Variants in CDH26 observed in about 807,000 individuals in gnomAD.
The protein encoded by CDH26 is cadherin 26.
Under a neutral mutation model 90.3 loss-of-function variants are expected in CDH26, and 83 were observed. That is an observed-to-expected ratio of 0.92 (90% CI 0.77 to 1.10). CDH26 has a LOEUF of 1.10. Among genes scored for constraint, CDH26 ranks in the 50% least tolerant of loss-of-function variants. The pLI, the probability that CDH26 is intolerant of heterozygous loss-of-function variation, is 0.00. For synonymous variants in CDH26, 397 were observed against 396.3 expected, an observed-to-expected ratio of 1.00 and a Z score of -0.02; for missense variants, 1,013 against 1,037.6, an observed-to-expected ratio of 0.98 and a Z score of 0.33.
downstream of CDH26, among the ~76,000 whole-genome samples, chr20:60,019,479 T>C (rs2061934958): frequency 6.6e-6 from 1 of 152,194 alleles, no homozygotes; most frequent in Admixed American, 6.5e-5. Context: ...TTGTCCATTG[T>C]TGAAACTCTC....
At chr20:59,967,085 A>G (rs1008003272) in intron 1 of CDH26, among the ~76,000 whole-genome samples, 9 of 152,240 alleles carry the variant, frequency 5.9e-5, no homozygotes, top group African/African-American at 1.9e-4. Flanking sequence ...TTATGAATAT[A>G]TAGCCATATC....
downstream of CDH26, among the ~76,000 whole-genome samples, chr20:60,035,045 A>G (rs1356281785): frequency 3.3e-5 from 5 of 152,222 alleles, no homozygotes; most frequent in African/African-American, 4.8e-5. Context: ...TTTAATACCA[A>G]TGTGTAAACT....
chr20:60,018,921 T>C (rs1210971186), downstream of CDH26, among the ~76,000 whole-genome samples: 2 of 151,996 alleles, frequency 1.3e-5, no homozygotes, highest in African/African-American at 2.4e-5. Flanking sequence ...TGAATTCTCT[T>C]AACTTTTGCT....
At chr20:60,001,232 G>T (rs1193917511) in intron 14 of CDH26, 111 bp from the exon 15 acceptor site, 9 of 1,265,946 alleles carry the variant, frequency 7.1e-6, no homozygotes, top group Non-Finnish European at 7.8e-6. Flanking sequence ...ATTTGTGTTT[G>T]CCTATGAATA....
At chr20:60,006,600 C>A in intron 16 of CDH26, 113 bp from the exon 17 acceptor site, 1 of 741,296 alleles carries the variant, frequency 1.3e-6, no homozygotes, top group Non-Finnish European at 2.4e-6. Flanking sequence ...TCTTCACCTC[C>A]AAGAGAACGG....
intron 10 of CDH26, 89 bp from the exon 11 acceptor site, chr20:59,994,161 A>ATTTTTTT: frequency 6.6e-7 from 1 of 1,513,484 alleles, no homozygotes; most frequent in Non-Finnish European, 9.0e-7. Flanking sequence ...TTTCAGGAAT[A>ATTTTTTT]TTTTTTTTCT....
At chr20:59,967,934 CCTTTCTTT>C (rs71183191) in intron 1 of CDH26, among the ~76,000 whole-genome samples, 3 of 109,866 alleles carry the variant, frequency 2.7e-5, no homozygotes, top group African/African-American at 4.4e-5. Context: ...CTTTCCTTTC[CCTTTCTTT>C]CTTTCTTTCT....
chr20:59,997,652 A>G (rs988142737), intron 13 of CDH26, among the ~76,000 whole-genome samples: 5 of 152,258 alleles, frequency 3.3e-5, no homozygotes, highest in African/African-American at 9.6e-5. Context: ...ATCTAGAATT[A>G]AGTGGTTGAT....
At position 59,984,692 on chromosome 20, in the gene CDH26, A is replaced by C. The variant is rs751913103; in HGVS notation, c.595A>C (p.Asn199His). 2 of 1,613,586 alleles carry C rather than the reference A, an allele frequency of 1.2e-6. No individual in the cohort carries two copies. The highest frequency in any genetic ancestry group is 1.7e-6 in the Non-Finnish European group (2 of 1,179,842). The stretch of plus-strand genomic sequence containing the variant: ...CGATTTGGATGAAGAAAACACTCCA[A>C]ATTCTCAAGTCCTTTACTTCCTCAT... Reference protein sequence around the residue: ...AVDLDEENTPNSQVLYFLISQ... With the variant: ...AVDLDEENTPHSQVLYFLISQ... Residue 199 changes from asparagine (N) to histidine (H), a missense_variant, in exon 6 of 18, where the codon AAT becomes CAT. Asn to His is a moderately conservative substitution (Grantham distance 68). Transcript: ENST00000348616.
chr20:59,984,705 T>C lies in CDH26; in HGVS notation c.608T>C (p.Leu203Pro). Residue 203 changes from leucine to proline, a missense_variant, in exon 6 of 18, where the codon CTT (leucine) becomes CCT (proline). Coordinates refer to ENST00000348616, the MANE Select transcript of CDH26 (RefSeq NM_177980.4). ...GAAAACACTCCAAATTCTCAAGTCC[T>C]TTACTTCCTCATTTCTCAAACACCA... ...DEENTPNSQV[L>P]YFLISQTPLL... is the part of the protein sequence containing the mutation. 6.2e-7 allele frequency: 1 copy of C among 1,614,014 alleles called. No homozygotes were observed. The highest frequency in any genetic ancestry group is 8.5e-7 in the Non-Finnish European group (1 of 1,179,934).
chr20:60,033,575 A>T (rs990373037), exon 9 of CDH26: 89 of 1,304,552 alleles, frequency 6.8e-5, no homozygotes, highest in Non-Finnish European at 8.7e-5. Context: ...TCGAGTCCAG[A>T]GTGCGCATTC....
intron 16 of CDH26, among the ~76,000 whole-genome samples, chr20:60,005,716 G>T (rs1045909662): frequency 5.3e-5 from 8 of 152,122 alleles, no homozygotes; most frequent in African/African-American, 1.9e-4. Context: ...CATTGCACCT[G>T]GGATAAAGTC....
downstream of CDH26, among the ~76,000 whole-genome samples, chr20:60,035,641 G>C (rs953216367): frequency 6.6e-6 from 1 of 151,866 alleles, no homozygotes; most frequent in African/African-American, 2.4e-5. Flanking sequence ...TGGTTTGGCT[G>C]TGTGCCCTCA....
chr20:59,970,407 G>T (rs1188781724), intron 3 of CDH26, among the ~76,000 whole-genome samples: 1 of 151,956 alleles, frequency 6.6e-6, no homozygotes, highest in African/African-American at 2.4e-5. Flanking sequence ...CTCCATGTGA[G>T]TGTCTGATGA....
chr20:59,974,168 A>G (rs745383052), intron 4 of CDH26, among the ~76,000 whole-genome samples: 3 of 152,054 alleles, frequency 2.0e-5, no homozygotes, highest in Non-Finnish European at 4.4e-5. Flanking sequence ...TTTTTTTCAT[A>G]TGCTTACTGG....
chr20:60,033,471 C>G, intron 8 of CDH26: 1 of 1,300,602 alleles, frequency 7.7e-7, no homozygotes, highest in Non-Finnish European at 1.0e-6. Context: ...TTTCTGTTTT[C>G]ACCCCATTTT....
chr20:60,028,856 G>A (rs949113859), intron 7 of CDH26, among the ~76,000 whole-genome samples: 5 of 152,134 alleles, frequency 3.3e-5, no homozygotes, highest in Non-Finnish European at 5.9e-5. Flanking sequence ...ATAGAAATCC[G>A]GATCTCAAAC....
rs2061270099 is a variant in CDH26 at position 59,972,114 on chromosome 20, A to G, written c.384A>G (p.Pro128=). The G allele has an allele frequency of 6.2e-6, 10 of 1,613,770 alleles. No homozygotes were observed. Among genetic ancestry groups the G allele is most frequent in the Middle Eastern group, 1.6e-4 (1 of 6,062 alleles). The change falls in exon 4 of 18, where the codon CCA becomes CCG. Residue 128 remains proline, a synonymous_variant. Coordinates refer to ENST00000348616, the MANE Select transcript of CDH26 (RefSeq NM_177980.4). ...GCCCTGTCGATCGAGAAATGACACC[A>G]TCTTTCACGGTATCTAAAACTTGAT... ...VHRPVDREMT[P]SFTVYFDVVE...
intron 9 of CDH26, among the ~76,000 whole-genome samples, chr20:59,989,914 G>A (rs1192522262): frequency 1.3e-5 from 2 of 152,082 alleles, no homozygotes; most frequent in Non-Finnish European, 2.9e-5. Context: ...TAAGGGTACG[G>A]GTCAGTGGCA....
Sources: gnomAD v4.1 joint callset for allele counts (sites outside exome capture counted in the v4.1 genomes callset) on GRCh38, gnomAD v4.1.1 for gene constraint, MANE v1.5 for transcripts, NCBI Gene and HGNC (gene_info 2026-07-23, HGNC 2026-07-21) for gene names.